Variants in ANK3 observed in about 807,000 individuals in gnomAD.
ANK3 encodes the protein ankyrin 3, also known as ankyrin-3.
Under a neutral mutation model 370.9 loss-of-function variants are expected in ANK3, and 57 were observed. That is an observed-to-expected ratio of 0.15 (90% CI 0.12 to 0.19). The LOEUF is 0.19. Among genes scored for constraint, ANK3 ranks in the 10% least tolerant of loss-of-function variants. The pLI, the probability that ANK3 is intolerant of heterozygous loss-of-function variation, is 1.00. For synonymous variants in ANK3, 1,929 were observed against 1,946.3 expected, an observed-to-expected ratio of 0.99 and a Z score of 0.23; for missense variants, 4,439 against 5,302.1, an observed-to-expected ratio of 0.84 and a Z score of 5.06.
At chr10:60,041,736 G>C (rs745519479) in intron 43 of ANK3, among the ~76,000 whole-genome samples, 15 of 152,172 alleles carry the variant, frequency 9.9e-5, no homozygotes, top group Admixed American at 4.6e-4. Flanking sequence ...AAATGATAAG[G>C]CTTGCGGGGA....
At chr10:60,079,345 G>A (rs528334572) in intron 36 of ANK3, among the ~76,000 whole-genome samples, 1 of 152,170 alleles carries the variant, frequency 6.6e-6, no homozygotes, top group East Asian at 1.9e-4. Flanking sequence ...AATGTGGTAG[G>A]TTTCTTTCAT....
At chr10:60,234,812 A>G (rs762278374) in intron 7 of ANK3, 26 bp from the exon 8 acceptor site, 1 of 1,519,312 alleles carries the variant, frequency 6.6e-7, no homozygotes. Flanking sequence ...AAAAGTACAG[A>G]TTTGATATTT....
At chr10:60,082,574 A>G (rs1366565903) in intron 34 of ANK3, 41 bp downstream of exon 34, 1 of 1,599,576 alleles carries the variant, frequency 6.3e-7, no homozygotes, top group Non-Finnish European at 8.5e-7. Context: ...CCACTTCTTC[A>G]AGACCAGGGA....
At chr10:60,342,050 T>C (rs1231902140) in intron 1 of ANK3, among the ~76,000 whole-genome samples, 1 of 152,132 alleles carries the variant, frequency 6.6e-6, no homozygotes, top group Non-Finnish European at 1.5e-5. Flanking sequence ...AAAGTTTCAT[T>C]TGGTAAAAAT....
Position 60,270,112 on chromosome 10 carries a change from G to A in ANK3, c.513+19C>T, listed in dbSNP as rs926289586. ...TATAAATACGTGAACTCACCCACAGGAAAAAAACAGTATCTTACCTCTGTG... is the reference window on the plus strand; with the variant it reads ...TATAAATACGTGAACTCACCCACAGAAAAAAAACAGTATCTTACCTCTGTG... On this transcript the variant is annotated intron_variant, in intron 5 of 43. Transcript: ENST00000280772. 2.7e-5 allele frequency: 41 copies of A among 1,503,976 alleles called. No individual in the cohort carries two copies. The highest frequency in any genetic ancestry group is 3.6e-5 in the Non-Finnish European group (40 of 1,118,806). The allele number at this position is 1,503,976 out of a possible 1,614,324, so 93.2% of individuals were successfully genotyped here. A position where few individuals can be genotyped will look rare whatever the true frequency, so the allele number is the denominator to read the frequency against.
chr10:60,034,894 A>G lies in ANK3; in HGVS notation c.*20-5068T>C, dbSNP rs145399916. ...TTACTTTATGTAACTAAAATACACT[A>G]CAGTGCAGTTTTAAAGTAATTCCCA... On this transcript the variant is annotated intron_variant, in intron 43 of 43. Transcript: ENST00000280772. Among the ~76,000 whole-genome samples the G allele has an allele frequency of 4.2e-3, 639 of 152,326 alleles. 5 individuals are homozygous for G. Among genetic ancestry groups the G allele is most frequent in the African/African-American group, 0.013 (539 of 41,580 alleles).
At chr10:60,289,041 G>A (rs1216368324) in intron 1 of ANK3, among the ~76,000 whole-genome samples, 1 of 152,072 alleles carries the variant, frequency 6.6e-6, no homozygotes, top group Non-Finnish European at 1.5e-5. Context: ...AAAGGAGAAA[G>A]CCACTGAAGT....
intron 23 of ANK3, among the ~76,000 whole-genome samples, chr10:60,155,500 C>T (rs1157330050): frequency 6.6e-6 from 1 of 152,122 alleles, no homozygotes; most frequent in South Asian, 2.1e-4. Flanking sequence ...GCAATCAGGA[C>T]CCAAGGAGTG....
intron 8 of ANK3, among the ~76,000 whole-genome samples, chr10:60,215,492 G>A (rs976535464): frequency 6.6e-6 from 1 of 152,092 alleles, no homozygotes; most frequent in Non-Finnish European, 1.5e-5. Context: ...ATGGTTTTGG[G>A]TTTTACTTTT....
rs949345618 is a variant in ANK3 at position 60,027,365 on chromosome 10, G to C, written c.*2481C>G. 2.0e-5 allele frequency: 3 copies of C among 149,242 alleles called. No homozygotes were observed. The highest frequency in any genetic ancestry group is 4.4e-5 in the Non-Finnish European group (3 of 67,722). 9.2% of individuals were successfully genotyped at this position (149,242 alleles called of 1,614,324 possible). A position where few individuals can be genotyped will look rare whatever the true frequency, so the allele number is the denominator to read the frequency against. ...CCATCATAAAATAATTTTGGTGCAA[G>C]GGTAGTGGCACATTTTATTTATTTG... On this transcript the variant is annotated 3_prime_UTR_variant, in exon 44 of 44. Transcript: ENST00000280772.
intron 2 of ANK3, among the ~76,000 whole-genome samples, chr10:60,568,698 T>C (rs1014078962): frequency 4.6e-5 from 7 of 152,160 alleles, no homozygotes; most frequent in African/African-American, 1.7e-4. Context: ...TATACCCTTC[T>C]TTGGATGCTG....
intron 2 of ANK3, among the ~76,000 whole-genome samples, chr10:60,525,856 C>T (rs2076456692): frequency 6.6e-6 from 1 of 152,076 alleles, no homozygotes; most frequent in Non-Finnish European, 1.5e-5. Context: ...CCTGTGAGTT[C>T]ACTTATTCTG....
intron 37 of ANK3, 112 bp from the exon 38 acceptor site, chr10:60,068,121 C>T: frequency 2.3e-6 from 2 of 882,220 alleles, no homozygotes; most frequent in Non-Finnish European, 3.6e-6. Context: ...ACACTGTACA[C>T]TGAAATGTGT....
In ANK3 at chr10:60,040,790, A is replaced by G. The variant is rs1264161401; in HGVS notation, c.*19+1882T>C. Among the ~76,000 whole-genome samples, 4 of 152,126 alleles carry G rather than the reference A, an allele frequency of 2.6e-5. 1 individual carries two copies. The highest frequency in any genetic ancestry group is 5.9e-5 in the Non-Finnish European group (4 of 68,036). On this transcript the variant is annotated intron_variant, in intron 43 of 43. Transcript: ENST00000280772. ...TAGGTAACCCTTTTGGTTCTTTTCC[A>G]CTAGGAGCCTGAGAATATGATTGAA...
intron 2 of ANK3, among the ~76,000 whole-genome samples, chr10:60,468,196 C>T (rs541933510): frequency 6.6e-6 from 1 of 152,108 alleles, no homozygotes; most frequent in Admixed American, 6.6e-5. Context: ...ATTGGTCAGG[C>T]TGGTCTCGAA....
rs112999674 is a variant in ANK3, at chr10:60,300,288, T to C, written c.115-20649A>G. 804 of 1,195,824 alleles carry C rather than the reference T, an allele frequency of 6.7e-4. 7 individuals carry two copies. In the African/African-American group the frequency reaches 0.011, roughly 17 times the overall value. The allele number at this position is 1,195,824 out of a possible 1,614,324, so 74.1% of individuals were successfully genotyped here. Reference sequence around the variant, plus strand: ...CAAAACAGAACTTCTATAAGGAAAGTACATTTCATTTAGGAGCTGTAAATG... The same window carrying C: ...CAAAACAGAACTTCTATAAGGAAAGCACATTTCATTTAGGAGCTGTAAATG... On this transcript the variant is annotated intron_variant, in intron 1 of 43. Transcript: ENST00000280772.
In ANK3 at chr10:60,072,807, T is replaced by C. The variant is rs762149369; in HGVS notation, c.8074A>G (p.Lys2692Glu). The C allele has an allele frequency of 2.5e-6, 4 of 1,614,164 alleles. No homozygotes were observed. Among genetic ancestry groups the C allele is most frequent in the Non-Finnish European group, 3.4e-6 (4 of 1,180,016 alleles). ...TEDSKSTVEAKGSISQSKAPD... is the reference protein window; with the variant it reads ...TEDSKSTVEAEGSISQSKAPD... ...GCTTTGCTCTGTGAAATACTTCCTT[T>C]GGCTTCCACTGTGGACTTGCTGTCC... The change falls in exon 37 of 44, where the codon AAA (lysine) becomes GAA (glutamate). Residue 2692 changes from lysine (K) to glutamate (E), a missense_variant. Transcript: ENST00000280772.
chr10:60,266,981 T>C (rs775493239), intron 5 of ANK3, among the ~76,000 whole-genome samples: 2 of 152,112 alleles, frequency 1.3e-5, no homozygotes, highest in Non-Finnish European at 2.9e-5. Context: ...AAAAGGAAGA[T>C]TATATATAGA....
At chr10:60,641,484 A>C (rs1232603945) in intron 1 of ANK3, among the ~76,000 whole-genome samples, 1 of 151,326 alleles carries the variant, frequency 6.6e-6, no homozygotes, top group Non-Finnish European at 1.5e-5. Flanking sequence ...CCGCATATCT[A>C]CAACTATCTG....
Sources: allele counts gnomAD v4.1 joint callset (sites outside exome capture counted in the v4.1 genomes callset), GRCh38; gene constraint gnomAD v4.1.1; transcripts MANE v1.5; gene names NCBI Gene and HGNC (gene_info 2026-07-23, HGNC 2026-07-21).